The following ZNFX1 variants were observed in gnomAD, a reference collection of about 807,000 sequenced individuals.
ZNFX1 encodes zinc finger NFX1-type containing 1.
A neutral mutation model predicts 179.8 loss-of-function variants in ZNFX1; 78 were observed. That is an observed-to-expected ratio of 0.43 (90% CI 0.36 to 0.52). The LOEUF is 0.52. Ranked by LOEUF, ZNFX1 falls within the 20% of genes least tolerant of loss-of-function variation. The probability of loss-of-function intolerance (pLI) is 0.00; values close to 1 mark genes in which losing one functional copy is unlikely to be tolerated. For synonymous variants in ZNFX1, 848 were observed against 868.5 expected (o/e 0.98, Z 0.42); for missense variants, 1,927 against 2,386.6 (o/e 0.81, Z 4.01).
rs764941465 is a variant in ZNFX1, at chr20:49,249,259, T to G, written c.3765A>C (p.Gln1255His). 2 of 1,614,040 alleles carry G rather than the reference T, an allele frequency of 1.2e-6. No individual in the cohort carries two copies. The highest frequency in any genetic ancestry group is 1.3e-5 in the African/African-American group (1 of 74,916). The change falls in exon 14 of 14, where the codon CAA (glutamine) becomes CAC (histidine). Residue 1255 changes from glutamine to histidine, a missense_variant. By Grantham distance (24) the Gln-to-His change is conservative. Coordinates refer to ENST00000396105, the MANE Select transcript of ZNFX1 (RefSeq NM_021035.3). ...AGCAGAGCCGGAGCATGGGGCCTAT[T>G]TGATTGTTCTCTCGAAGTGTATGAA... ...KIIHTLRENN[Q>H]IGPMLRLCCQ...
At chr20:49,255,442 C>T (rs1452620853) in intron 9 of ZNFX1, among the ~76,000 whole-genome samples, 1 of 152,092 alleles carries the variant, frequency 6.6e-6, no homozygotes, top group Non-Finnish European at 1.5e-5. Flanking sequence ...TAGCCTCAGC[C>T]TCCCAAAGTG....
At position 49,248,820 on chromosome 20, in the gene ZNFX1, C is replaced by A; in HGVS notation, c.4204G>T (p.Val1402Phe). ...TGCCCACACTTGAGTTTTATGGTGACCATTTCTGAACACAGCTGCACACAG... is the reference window on the plus strand; with the variant it reads ...TGCCCACACTTGAGTTTTATGGTGAACATTTCTGAACACAGCTGCACACAG... ...EDCVQLCSEMVTIKLKCGHSQ... is the reference protein window; with the variant it reads ...EDCVQLCSEMFTIKLKCGHSQ... The change falls in exon 14 of 14, where the codon GTC (valine) becomes TTC (phenylalanine). Residue 1402 changes from valine to phenylalanine, a missense_variant. By Grantham distance (50) the Val-to-Phe change is conservative (BLOSUM62 -1). Coordinates refer to ENST00000396105, the MANE Select transcript of ZNFX1 (RefSeq NM_021035.3). This position sits in a 1 kb window ranked among gnomAD's most constrained non-coding sequence, Gnocchi z 4.6. The A allele has an allele frequency of 6.2e-7, 1 of 1,613,386 alleles. No individual in the cohort carries two copies. Among genetic ancestry groups the A allele is most frequent in the Non-Finnish European group, 8.5e-7 (1 of 1,179,326 alleles).
rs752104785 is a variant in ZNFX1, at chr20:49,248,414, T to C, written c.4610A>G (p.Tyr1537Cys). The change falls in exon 14 of 14, where the codon TAT (tyrosine) becomes TGT (cysteine). Residue 1537 changes from tyrosine (Y) to cysteine (C), a missense_variant. Tyr to Cys is a radical substitution (Grantham distance 194, BLOSUM62 -2). Coordinates refer to ENST00000396105, the MANE Select transcript of ZNFX1 (RefSeq NM_021035.3). The surrounding 1 kb of genome is among the most constrained non-coding windows in gnomAD (Gnocchi z 4.6). The stretch of plus-strand genomic sequence containing the variant: ...AACTAGCAGCTTAGTACAAGGCACA[T>C]AGCATGGGGGTCGGTTGCAGGGCTC... ...CSEPCNRPPC[Y>C]VPCTKLLVCG... is the part of the protein sequence containing the mutation. 14 of 1,608,814 alleles carry C rather than the reference T, an allele frequency of 8.7e-6. No homozygotes were observed. Among genetic ancestry groups the C allele is most frequent in the African/African-American group, 2.7e-5 (2 of 74,724 alleles).
chr20:49,271,675 C>G lies in ZNFX1; in HGVS notation c.137G>C (p.Gly46Ala). The change falls in exon 3 of 14, where the codon GGA becomes GCA. Residue 46 changes from glycine (G) to alanine (A), a missense_variant. Physicochemically the swap from Gly to Ala is moderately conservative, Grantham distance 60 (BLOSUM62 0). Coordinates refer to ENST00000396105, the MANE Select transcript of ZNFX1 (RefSeq NM_021035.3). ...NNPPANALRGGASHPGRHPRA... is the reference protein window; with the variant it reads ...NNPPANALRGAASHPGRHPRA... ...AGGATGCCTTCCAGGGTGGCTGGCT[C>G]CTCCTCGGAGAGCATTGGCTGGTGG... The G allele has an allele frequency of 6.2e-7, 1 of 1,613,862 alleles. No homozygotes were observed. The highest frequency in any genetic ancestry group is 8.5e-7 in the Non-Finnish European group (1 of 1,179,960).
chr20:49,248,931 C>T lies in ZNFX1; in HGVS notation c.4093G>A (p.Val1365Met), dbSNP rs143688868. ...CGHEQMVPCS[V>M]PESDFCCQEP... ...TGGCAGCAGAAATCTGACTCAGGCA[C>T]GGAACAAGGGACCATTTGTTCATGG... is the stretch of plus-strand genomic sequence containing the variant. The change falls in exon 14 of 14, where the codon GTG becomes ATG. Residue 1365 changes from valine (V) to methionine (M), a missense_variant. Val to Met is a conservative substitution (Grantham distance 21). Transcript: ENST00000396105. The surrounding 1 kb of genome is among the most constrained non-coding windows in gnomAD (Gnocchi z 4.6). The T allele has an allele frequency of 3.5e-4, 557 of 1,614,270 alleles. 2 individuals carry two copies. The African/African-American group carries it at 5.3e-3, about 15-fold the overall frequency.
At position 49,263,319 on chromosome 20, in the gene ZNFX1, C is replaced by G; in HGVS notation, c.2301+15G>C. ...AGGCCAGAGACATATTTGTGTCCCC[C>G]AGGATGACCCCTACCTGCACTGGTC... is the stretch of plus-strand genomic sequence containing the variant. On this transcript the variant is annotated intron_variant, in intron 6 of 13. Coordinates refer to ENST00000396105, the MANE Select transcript of ZNFX1 (RefSeq NM_021035.3). 6.2e-7 allele frequency: 1 copy of G among 1,611,586 alleles called. No individual in the cohort carries two copies.
intron 3 of ZNFX1, 120 bp from the exon 4 acceptor site, chr20:49,266,386 A>G: frequency 1.9e-6 from 2 of 1,036,320 alleles, no homozygotes; most frequent in South Asian, 1.9e-5. Flanking sequence ...AAATCTAAGA[A>G]GCGTACATTG....
Position 49,266,126 on chromosome 20 carries a change from A to C in ZNFX1, c.2002+9T>G, listed in dbSNP as rs1981227636. On this transcript the variant is annotated intron_variant, in intron 4 of 13. Transcript: ENST00000396105. Reference sequence around the variant, plus strand: ...CTTGATAGAGAACAAATTTGCCTATAAGTATTACCTTCCAGAAACTGGTCC... The same window carrying C: ...CTTGATAGAGAACAAATTTGCCTATCAGTATTACCTTCCAGAAACTGGTCC... The C allele has an allele frequency of 6.2e-7, 1 of 1,604,678 alleles. No homozygotes were observed. The highest frequency in any genetic ancestry group is 8.5e-7 in the Non-Finnish European group (1 of 1,177,780).
At chr20:49,265,047 G>C (rs75651274) in intron 4 of ZNFX1, among the ~76,000 whole-genome samples, 183 bp from the exon 5 acceptor site, 18 of 152,248 alleles carry the variant, frequency 1.2e-4, no homozygotes, top group African/African-American at 4.1e-4. Flanking sequence ...GAGCAGTAAA[G>C]TGTAGCACTT....
Position 49,248,156 on chromosome 20 carries a change from T to C in ZNFX1, c.4868A>G (p.Gln1623Arg). Residue 1623 changes from glutamine to arginine, a missense_variant, in exon 14 of 14, where the codon CAG becomes CGG. Physicochemically the swap from Gln to Arg is conservative, Grantham distance 43. Transcript: ENST00000396105. The surrounding 1 kb of genome is among the most constrained non-coding windows in gnomAD (Gnocchi z 4.6). ...AIRLKVCPIC[Q>R]VPIRKNLRYG... ...CCTCAGGTTTTTGCGGATGGGCACC[T>C]GGCAGATAGGGCAGACTTTCAATCT... 1 of 1,614,234 alleles carries C rather than the reference T, an allele frequency of 6.2e-7. No individual in the cohort carries two copies. The highest frequency in any genetic ancestry group is 8.5e-7 in the Non-Finnish European group (1 of 1,180,048).
chr20:49,260,879 G>A (rs1981097292), intron 6 of ZNFX1, among the ~76,000 whole-genome samples: 1 of 152,170 alleles, frequency 6.6e-6, no homozygotes, highest in Non-Finnish European at 1.5e-5. Flanking sequence ...TCACGAGTTT[G>A]AGACCAGCCT....
Position 49,270,763 on chromosome 20 carries a change from C to T in ZNFX1, c.1049G>A (p.Arg350Lys). 1 of 1,614,130 alleles carries T rather than the reference C, an allele frequency of 6.2e-7. No homozygotes were observed. Among genetic ancestry groups the T allele is most frequent in the Non-Finnish European group, 8.5e-7 (1 of 1,180,030 alleles). The change falls in exon 3 of 14, where the codon AGG (arginine) becomes AAG (lysine). Residue 350 changes from arginine (R) to lysine (K), a missense_variant. Coordinates refer to ENST00000396105, the MANE Select transcript of ZNFX1 (RefSeq NM_021035.3). This position sits in a 1 kb window ranked among gnomAD's most constrained non-coding sequence, Gnocchi z 4.6. ...AATGATATTGGGGCGAAGGAAGGGC[C>T]TCTCATCCAAGTGCACTTCATTGTA... ...PTYNEVHLDE[R>K]PFLRPNIISG...
rs749442868 is a variant in ZNFX1 at position 49,249,065 on chromosome 20, T to C, written c.3959A>G (p.Lys1320Arg). Residue 1320 changes from lysine (K) to arginine (R), a missense_variant, in exon 14 of 14, where the codon AAG becomes AGG. Coordinates refer to ENST00000396105, the MANE Select transcript of ZNFX1 (RefSeq NM_021035.3). ...CTGACAGATGACCTTCTGGCATGGCTTCATGCATTGGAACTCCTTGTGTGA... is the reference window on the plus strand; with the variant it reads ...CTGACAGATGACCTTCTGGCATGGCCTCATGCATTGGAACTCCTTGTGTGA... The part of the protein sequence containing the change: ...DSSHKEFQCM[K>R]PCQKVICQEG... 2 of 1,614,234 alleles carry C rather than the reference T, an allele frequency of 1.2e-6. No individual in the cohort carries two copies. The highest frequency in any genetic ancestry group is 3.3e-5 in the Admixed American group (2 of 60,034).
At position 49,270,032 on chromosome 20, in the gene ZNFX1, C is replaced by G; in HGVS notation, c.1780G>C (p.Glu594Gln). Residue 594 changes from glutamate (E) to glutamine (Q), a missense_variant, in exon 3 of 14, where the codon GAA becomes CAA. Coordinates refer to ENST00000396105, the MANE Select transcript of ZNFX1 (RefSeq NM_021035.3). This position sits in a 1 kb window ranked among gnomAD's most constrained non-coding sequence, Gnocchi z 4.6. ...VLDPGQWPSK[E>Q]ALKLDDSQME... ...TGGGAGTCATCCAGCTTCAGGGCTT[C>G]TTTTGAGGGCCACTGGCCAGGATCT... The G allele has an allele frequency of 6.2e-7, 1 of 1,614,212 alleles. No individual in the cohort carries two copies. Among genetic ancestry groups the G allele is most frequent in the South Asian group, 1.1e-5 (1 of 91,084 alleles).
chr20:49,261,448 T>G (rs1355047260), intron 6 of ZNFX1, among the ~76,000 whole-genome samples: 1 of 152,078 alleles, frequency 6.6e-6, no homozygotes, highest in African/African-American at 2.4e-5. Flanking sequence ...TTTAGCAAAC[T>G]AACACAAGAA....
chr20:49,260,849 G>A (rs1981096172), intron 6 of ZNFX1, among the ~76,000 whole-genome samples: 1 of 152,214 alleles, frequency 6.6e-6, no homozygotes, highest in Non-Finnish European at 1.5e-5. Context: ...GGGAGGCTGA[G>A]GCAGGCGGAT....
At chr20:49,253,321 T>A (rs1368921475) in intron 11 of ZNFX1, among the ~76,000 whole-genome samples, 3 of 152,038 alleles carry the variant, frequency 2.0e-5, no homozygotes, top group Non-Finnish European at 4.4e-5. Context: ...TACCTTTTTT[T>A]TAAAAAAATT....
chr20:49,254,594 G>T lies in ZNFX1; in HGVS notation c.2860C>A (p.Arg954Ser). 1 of 1,614,130 alleles carries T rather than the reference G, an allele frequency of 6.2e-7. No individual in the cohort carries two copies. Among genetic ancestry groups the T allele is most frequent in the Middle Eastern group, 1.7e-4 (1 of 6,052 alleles). ...DTRRKILSYE[R>S]QYRTSAERMA... is the part of the protein sequence containing the mutation. ...CTTTCTGCTGATGTGCGGTACTGGC[G>T]TTCATAGCTGAGGATCTTCCGGCGG... The change falls in exon 10 of 14, where the codon CGC (arginine) becomes AGC (serine). Residue 954 changes from arginine (R) to serine (S), a missense_variant. By Grantham distance (110) the Arg-to-Ser change is moderately radical (BLOSUM62 -1). Coordinates refer to ENST00000396105, the MANE Select transcript of ZNFX1 (RefSeq NM_021035.3).
At position 49,270,093 on chromosome 20, in the gene ZNFX1, A is replaced by G. The variant is rs552944073; in HGVS notation, c.1719T>C (p.Asn573=). The change falls in exon 3 of 14, where the codon AAT becomes AAC. Residue 573 remains asparagine (N), a synonymous_variant. Transcript: ENST00000396105. The surrounding 1 kb of genome is among the most constrained non-coding windows in gnomAD (Gnocchi z 4.6). ...NPSATGEFLR[N]VEGLRHPRIN... is the part of the protein sequence containing the mutation. ...TTCTGGGATGTCTCAAACCCTCGAC[A>G]TTTCTTAGAAATTCCCCAGTGGCTG... is the stretch of plus-strand genomic sequence containing the variant. The G allele has an allele frequency of 2.8e-5, 45 of 1,614,198 alleles. No individual in the cohort carries two copies. The East Asian group carries it at 8.0e-4, about 29-fold the overall frequency.
Sources: gnomAD v4.1 joint callset for allele counts (sites outside exome capture counted in the v4.1 genomes callset) on GRCh38, gnomAD v4.1.1 for gene constraint, Gnocchi (gnomAD v3.1) non-coding constraint, MANE v1.5 for transcripts, NCBI Gene and HGNC (gene_info 2026-07-23, HGNC 2026-07-21) for gene names.